Variants in WNT9B observed in about 807,000 individuals in gnomAD.
The protein encoded by WNT9B is Wnt family member 9B.
WNT9B carries 12 observed loss-of-function variants against 30.2 expected under a neutral mutation model. The observed-to-expected ratio is 0.40, with a 90% CI of 0.26 to 0.64. The LOEUF is 0.64. WNT9B is among the 30% of genes least tolerant of loss of function. The pLI is 0.42. For synonymous variants in WNT9B, 218 were observed against 216.9 expected, an observed-to-expected ratio of 1.01 and a Z score of -0.05; for missense variants, 442 against 485.2, an observed-to-expected ratio of 0.91 and a Z score of 0.84.
chr17:46,874,343 C>G (rs1429884376), intron 2 of WNT9B, among the ~76,000 whole-genome samples: 1 of 152,186 alleles, frequency 6.6e-6, no homozygotes, highest in East Asian at 1.9e-4. Context: ...GCCCATGGGG[C>G]TTATCTCAGG....
At chr17:46,864,138 C>G (rs924445246) in intron 1 of WNT9B, among the ~76,000 whole-genome samples, 2 of 152,186 alleles carry the variant, frequency 1.3e-5, no homozygotes, top group Non-Finnish European at 1.5e-5. Flanking sequence ...AGAGGGTGAT[C>G]GGAGCCCAGG....
intron 1 of WNT9B, among the ~76,000 whole-genome samples, chr17:46,865,895 C>T (rs370214585): frequency 1.8e-4 from 28 of 152,174 alleles, no homozygotes; most frequent in African/African-American, 5.1e-4. Flanking sequence ...TACAGGTGCG[C>T]GCCACAATGC....
At chr17:46,846,721 G>C (rs2084779620), upstream of WNT9B, among the ~76,000 whole-genome samples, 1 of 152,234 alleles carries the variant, frequency 6.6e-6, no homozygotes, top group South Asian at 2.1e-4. Context: ...GAATAGGCAA[G>C]GGGCAAGAGA....
At chr17:46,857,316 A>T (rs2084954334) in intron 1 of WNT9B, among the ~76,000 whole-genome samples, 1 of 151,922 alleles carries the variant, frequency 6.6e-6, no homozygotes, top group African/African-American at 2.4e-5. Context: ...TAAAATTACA[A>T]GAATCAGCTG....
rs1193258838 is a variant in WNT9B, at chr17:46,873,085, T to C, written c.334+312T>C. ...TCCCCCAGTTGTCTCCCTCTGCCTC[T>C]TCACACACACACACACACACACACA... On this transcript the variant is annotated intron_variant, in intron 2 of 3. Transcript: ENST00000290015. Among the ~76,000 whole-genome samples the C allele has an allele frequency of 5.5e-5, 5 of 91,690 alleles. No homozygotes were observed. The South Asian group carries it at 1.2e-3, about 22-fold the overall frequency. 60.2% of individuals were successfully genotyped at this position (91,690 alleles called of 152,430 possible). A position where few individuals can be genotyped will look rare whatever the true frequency, so the allele number is the denominator to read the frequency against.
upstream of WNT9B, among the ~76,000 whole-genome samples, chr17:46,851,181 A>G (rs2084837317): frequency 6.6e-6 from 1 of 152,116 alleles, no homozygotes; most frequent in Non-Finnish European, 1.5e-5. The surrounding 1 kb of genome is among the most constrained non-coding windows in gnomAD (Gnocchi z 4.3). Flanking sequence ...CACCGACTCC[A>G]GATGCGTCCC....
chr17:46,868,917 C>T (rs2085189291), intron 1 of WNT9B, among the ~76,000 whole-genome samples: 2 of 152,156 alleles, frequency 1.3e-5, no homozygotes, highest in South Asian at 4.1e-4. Flanking sequence ...GAGCATGTGT[C>T]GGATAATTCA....
At chr17:46,837,344 T>C (rs2084646027) in intron 1 of WNT9B, among the ~76,000 whole-genome samples, 1 of 152,186 alleles carries the variant, frequency 6.6e-6, no homozygotes, top group Admixed American at 6.5e-5. Context: ...GATAACCTAC[T>C]CATGGAGCCA....
intron 1 of WNT9B, among the ~76,000 whole-genome samples, chr17:46,866,102 T>C (rs1216483853): frequency 6.6e-6 from 1 of 152,136 alleles, no homozygotes; most frequent in Non-Finnish European, 1.5e-5. Context: ...CATTGGGTGC[T>C]GTAGAAGAGA....
intron 1 of WNT9B, among the ~76,000 whole-genome samples, chr17:46,864,279 C>G (rs1032914549): frequency 6.6e-6 from 1 of 152,214 alleles, no homozygotes; most frequent in Non-Finnish European, 1.5e-5. Context: ...AGTGCGGTTT[C>G]AGCCATGATT....
chr17:46,876,082 C>G (rs1049958937), intron 3 of WNT9B, among the ~76,000 whole-genome samples, 163 bp from the exon 4 acceptor site: 2 of 152,214 alleles, frequency 1.3e-5, no homozygotes, highest in African/African-American at 4.8e-5. Flanking sequence ...CGTAAGTTGT[C>G]TATTCCACAA....
At chr17:46,860,767 T>C (rs2085023934) in intron 1 of WNT9B, among the ~76,000 whole-genome samples, 1 of 152,246 alleles carries the variant, frequency 6.6e-6, no homozygotes, top group Admixed American at 6.5e-5. Flanking sequence ...GCCTTTTCTG[T>C]GCTCAGCACT....
exon 5 of WNT9B, chr17:46,886,010 G>C (rs1456957463): frequency 6.6e-6 from 1 of 152,268 alleles, no homozygotes; most frequent in Non-Finnish European, 1.5e-5. Flanking sequence ...CTGATCCCTG[G>C]GAGAGACGGC....
chr17:46,856,245 A>G (rs2084936106), intron 1 of WNT9B, among the ~76,000 whole-genome samples: 1 of 152,178 alleles, frequency 6.6e-6, no homozygotes, highest in Non-Finnish European at 1.5e-5. Flanking sequence ...GGTTATGAGA[A>G]TACCTATCTG....
At chr17:46,837,738 G>A (rs1486680830) in intron 1 of WNT9B, among the ~76,000 whole-genome samples, 1 of 152,164 alleles carries the variant, frequency 6.6e-6, no homozygotes, top group African/African-American at 2.4e-5. Flanking sequence ...TGGTCAGTGG[G>A]ATTTAGTTTC....
upstream of WNT9B, among the ~76,000 whole-genome samples, chr17:46,851,035 T>C (rs116894013): frequency 2.8e-4 from 42 of 152,344 alleles, 1 homozygote; most frequent in East Asian, 7.7e-3. The surrounding 1 kb of genome is among the most constrained non-coding windows in gnomAD (Gnocchi z 4.3). Context: ...CAGGGTCCCC[T>C]GAGCCATTGG....
At chr17:46,880,802 G>A (rs969958069), downstream of WNT9B, among the ~76,000 whole-genome samples, 3 of 152,118 alleles carry the variant, frequency 2.0e-5, no homozygotes, top group Non-Finnish European at 4.4e-5. Context: ...CTAAGGCCTA[G>A]AGGAAGGAAA....
chr17:46,853,658 A>G (rs573951557), intron 1 of WNT9B, among the ~76,000 whole-genome samples: 15 of 152,184 alleles, frequency 9.9e-5, no homozygotes, highest in Middle Eastern at 3.4e-3. Flanking sequence ...ATGAGCCACC[A>G]GGCCTGGCTA....
intron 1 of WNT9B, among the ~76,000 whole-genome samples, chr17:46,858,763 C>T (rs897900614): frequency 1.3e-5 from 2 of 152,136 alleles, no homozygotes; most frequent in Non-Finnish European, 2.9e-5. Context: ...ACCTTCTGGA[C>T]TCAAGTGATC....
Sources: gnomAD v4.1 joint callset for allele counts (sites outside exome capture counted in the v4.1 genomes callset) on GRCh38, gnomAD v4.1.1 for gene constraint, Gnocchi (gnomAD v3.1) non-coding constraint, MANE v1.5 for transcripts, NCBI Gene and HGNC (gene_info 2026-07-23, HGNC 2026-07-21) for gene names.